Variants in TXNL4A observed in about 807,000 individuals in gnomAD.
TXNL4A encodes thioredoxin like 4A, also known as thioredoxin-like protein 4A.
Under a neutral mutation model 14.6 loss-of-function variants are expected in TXNL4A, and 17 were observed. That is an observed-to-expected ratio of 1.16 (90% CI 0.80 to 1.74). TXNL4A has a LOEUF of 1.74. Among genes scored for constraint, TXNL4A ranks in the 40% most tolerant of loss-of-function variants. The pLI is 0.00. For synonymous variants in TXNL4A, 83 were observed against 70.6 expected, an observed-to-expected ratio of 1.18 and a Z score of -0.88; for missense variants, 74 against 195.2, an observed-to-expected ratio of 0.38 and a Z score of 3.70.
chr18:80,002,839 G>C (rs369437084), intron 1 of TXNL4A, among the ~76,000 whole-genome samples: 1 of 152,156 alleles, frequency 6.6e-6, no homozygotes, highest in South Asian at 2.1e-4. Context: ...TCACGGACTC[G>C]GCCCTGAATT....
chr18:80,010,365 C>T (rs1387482166), intron 1 of TXNL4A, among the ~76,000 whole-genome samples: 1 of 152,142 alleles, frequency 6.6e-6, no homozygotes, highest in Admixed American at 6.5e-5. Context: ...GGCCCAGGAC[C>T]TACTGGAAAG....
chr18:79,987,594 A>C (rs1860953750), intron 1 of TXNL4A, among the ~76,000 whole-genome samples: 1 of 152,252 alleles, frequency 6.6e-6, no homozygotes, highest in African/African-American at 2.4e-5. Flanking sequence ...AAAGAATGAA[A>C]TCTGGTTATA....
At chr18:79,997,758 G>A (rs887214653) in intron 1 of TXNL4A, among the ~76,000 whole-genome samples, 3 of 152,176 alleles carry the variant, frequency 2.0e-5, no homozygotes. Context: ...TCTTTGTTCA[G>A]ACACACTATC....
intron 1 of TXNL4A, among the ~76,000 whole-genome samples, chr18:80,015,398 A>C (rs1434494793): frequency 6.8e-6 from 1 of 147,388 alleles, no homozygotes; most frequent in Non-Finnish European, 1.5e-5. Flanking sequence ...TTTAGGGTAC[A>C]TGTGCACAAT....
intron 1 of TXNL4A, among the ~76,000 whole-genome samples, chr18:80,032,034 T>C (rs2051924559): frequency 6.6e-6 from 1 of 152,246 alleles, no homozygotes; most frequent in Non-Finnish European, 1.5e-5. Flanking sequence ...AGAGAATTGC[T>C]CTAATTCAGG....
At chr18:80,026,713 T>G (rs2051886793) in intron 1 of TXNL4A, among the ~76,000 whole-genome samples, 1 of 147,832 alleles carries the variant, frequency 6.8e-6, no homozygotes, top group Non-Finnish European at 1.5e-5. Context: ...CCACAGACTC[T>G]AAGTGTGACG....
intron 1 of TXNL4A, among the ~76,000 whole-genome samples, chr18:80,009,978 C>T (rs1452731811): frequency 6.6e-6 from 1 of 152,202 alleles, no homozygotes; most frequent in Non-Finnish European, 1.5e-5. Flanking sequence ...CACCCAACTC[C>T]TGAGGTCTTA....
chr18:79,989,765 C>CCGGCGGATCGCCTATGGT (rs2051612306), upstream of TXNL4A, among the ~76,000 whole-genome samples: 1 of 152,102 alleles, frequency 6.6e-6, no homozygotes, highest in South Asian at 2.1e-4. Context: ...GAGGCCGAGG[C>CCGGCGGATCGCCTATGGT]CGGCGGATCG....
chr18:79,986,671 A>AG, intron 1 of TXNL4A: 1 of 985,482 alleles, frequency 1.0e-6, no homozygotes, highest in African/African-American at 1.7e-5. Context: ...GATGAGACAA[A>AG]GGCCCTCACA....
intron 1 of TXNL4A, among the ~76,000 whole-genome samples, chr18:79,995,966 T>C (rs1454581235): frequency 1.3e-5 from 2 of 151,758 alleles, no homozygotes; most frequent in South Asian, 2.1e-4. Context: ...TAGCCGGGCA[T>C]GGTGGCGGGC....
In TXNL4A at chr18:79,988,285, A is replaced by G. The variant is rs576062595; in HGVS notation, c.108T>C (p.Pro36=). 2.5e-6 allele frequency: 4 copies of G among 1,604,072 alleles called. No homozygotes were observed. Among genetic ancestry groups the G allele is most frequent in the East Asian group, 4.5e-5 (2 of 44,600 alleles). Residue 36 remains proline, a synonymous_variant, in exon 1 of 3, where the codon CCT becomes CCC. Coordinates refer to ENST00000269601, the MANE Select transcript of TXNL4A (RefSeq NM_006701.5). ...VVIRFGHDWD[P]TCMKMDEVLY... ...GGACCTCGTCCATCTTCATGCACGT[A>G]GGATCCCAGTCGTGGCCGAAGCGGA...
intron 1 of TXNL4A, among the ~76,000 whole-genome samples, chr18:80,032,304 A>G (rs2051926960): frequency 6.6e-6 from 1 of 152,272 alleles, no homozygotes; most frequent in African/African-American, 2.4e-5. Context: ...CCAGGAACCC[A>G]CATTCCTTTT....
chr18:80,001,713 C>G (rs1471990646), intron 1 of TXNL4A, among the ~76,000 whole-genome samples: 1 of 152,092 alleles, frequency 6.6e-6, no homozygotes, highest in African/African-American at 2.4e-5. Context: ...GCCTTTAGTC[C>G]CTTCGTTTTG....
chr18:79,975,416 G>A (rs1253244372), intron 2 of TXNL4A, among the ~76,000 whole-genome samples: 1 of 152,228 alleles, frequency 6.6e-6, no homozygotes, highest in Non-Finnish European at 1.5e-5. Flanking sequence ...TACAGCATCA[G>A]TCCTAAAAAT....
intron 1 of TXNL4A, among the ~76,000 whole-genome samples, chr18:80,015,728 A>G (rs1015243765): frequency 9.3e-5 from 14 of 150,696 alleles, no homozygotes; most frequent in East Asian, 5.9e-4. Flanking sequence ...TCCATGGTGT[A>G]TATGTGCCAC....
chr18:79,987,160 C>T (rs2051563299), intron 1 of TXNL4A, among the ~76,000 whole-genome samples: 1 of 152,216 alleles, frequency 6.6e-6, no homozygotes. Flanking sequence ...TCACCCCATA[C>T]CCATAGAATC....
At chr18:80,009,459 C>G (rs933642081) in intron 1 of TXNL4A, among the ~76,000 whole-genome samples, 2 of 152,166 alleles carry the variant, frequency 1.3e-5, no homozygotes, top group African/African-American at 4.8e-5. Flanking sequence ...CCTGTGGATC[C>G]TCTCAAGTTT....
intron 2 of TXNL4A, among the ~76,000 whole-genome samples, chr18:79,975,498 A>G (rs2051365410): frequency 6.6e-6 from 1 of 152,188 alleles, no homozygotes; most frequent in African/African-American, 2.4e-5. Flanking sequence ...CCCTCACAGC[A>G]TCTCCAGCCC....
intron 1 of TXNL4A, among the ~76,000 whole-genome samples, chr18:79,997,480 C>A (rs966266996): frequency 8.6e-5 from 13 of 151,840 alleles, no homozygotes; most frequent in Admixed American, 2.0e-4. Flanking sequence ...CCAATAATCC[C>A]CAACCCACAT....
Sources: allele counts gnomAD v4.1 joint callset (sites outside exome capture counted in the v4.1 genomes callset), GRCh38; gene constraint gnomAD v4.1.1; transcripts MANE v1.5; gene names NCBI Gene and HGNC (gene_info 2026-07-23, HGNC 2026-07-21).